Variants in PCDHA13 observed in about 807,000 individuals in gnomAD.
The protein encoded by PCDHA13 is protocadherin alpha 13, also known as protocadherin alpha-13.
In PCDHA13, 54 loss-of-function variants were observed where a neutral mutation model predicts 64.8. That is an observed-to-expected ratio of 0.83 (90% confidence interval 0.67 to 1.04). The LOEUF is 1.04. Ranked by LOEUF, PCDHA13 falls within the 50% of genes least tolerant of loss-of-function variation. PCDHA13 has a pLI of 0.00. For synonymous variants in PCDHA13, 587 were observed against 564.4 expected (o/e 1.04, Z -0.57); for missense variants, 1,248 against 1,254.3 (o/e 0.99, Z 0.08).
intron 3 of PCDHA13, among the ~76,000 whole-genome samples, chr5:140,985,189 G>A (rs1440212716): frequency 3.3e-5 from 5 of 152,004 alleles, no homozygotes; most frequent in African/African-American, 9.7e-5. Context: ...CGCCTGCCTC[G>A]GTCTCCCAAA....
intron 1 of PCDHA13, among the ~76,000 whole-genome samples, chr5:140,959,991 G>A (rs2095520706): frequency 6.6e-6 from 1 of 152,168 alleles, no homozygotes; most frequent in South Asian, 2.1e-4. Flanking sequence ...GTTGGGATAT[G>A]AAATACAAAT....
At chr5:140,891,052 A>T (rs1554184638) in intron 1 of PCDHA13, among the ~76,000 whole-genome samples, 1 of 152,200 alleles carries the variant, frequency 6.6e-6, no homozygotes, top group Non-Finnish European at 1.5e-5. Flanking sequence ...CCCACAGCAC[A>T]TAGTAAATAT....
chr5:141,006,937 A>G (rs1341234151), intron 3 of PCDHA13, among the ~76,000 whole-genome samples: 1 of 152,206 alleles, frequency 6.6e-6, no homozygotes, highest in Non-Finnish European at 1.5e-5. Context: ...AACTGGGGAT[A>G]CCAGATAGGC....
rs200338376 is a variant in PCDHA13, at chr5:140,927,680, G to C, written c.2394+43018G>C. On this transcript the variant is annotated intron_variant, in intron 1 of 3. Transcript: ENST00000289272. ...GTTCAAGCCTTGGATCCAGATGAAGGGTCCAATGGGGAAGTCCAGTACTCC... is the reference window on the plus strand; with the variant it reads ...GTTCAAGCCTTGGATCCAGATGAAGCGTCCAATGGGGAAGTCCAGTACTCC... The C allele has an allele frequency of 2.2e-5, 36 of 1,614,022 alleles. No individual in the cohort carries two copies. The Admixed American group carries it at 4.5e-4, about 20-fold the overall frequency.
intron 1 of PCDHA13, among the ~76,000 whole-genome samples, chr5:140,916,064 T>G (rs1282899200): frequency 1.3e-5 from 2 of 152,156 alleles, no homozygotes; most frequent in African/African-American, 4.8e-5. Flanking sequence ...CCTCTCCCTG[T>G]GGCCAGTACT....
At chr5:140,927,502 A>G (rs1554204633) in intron 1 of PCDHA13, 1 of 1,614,134 alleles carries the variant, frequency 6.2e-7, no homozygotes, top group Non-Finnish European at 8.5e-7. Context: ...GCTGGTGCTT[A>G]CAGCTCGGGA....
intron 1 of PCDHA13, among the ~76,000 whole-genome samples, chr5:140,920,841 T>TAAA (rs781921146): frequency 2.7e-5 from 3 of 109,230 alleles, no homozygotes; most frequent in East Asian, 2.6e-4. Context: ...AGACCAAATC[T>TAAA]AAAAAAAAAA....
chr5:140,894,790 T>G lies in PCDHA13; in HGVS notation c.2394+10128T>G, dbSNP rs943284227. On this transcript the variant is annotated intron_variant, in intron 1 of 3. Coordinates refer to ENST00000289272, the MANE Select transcript of PCDHA13 (RefSeq NM_018904.3). ...TCCTTTAGTGTAATTATTTGTCCTC[T>G]CCTTTAAAAATAATTTTATATCAGA... Among the ~76,000 whole-genome samples, 13 of 152,282 alleles carry G rather than the reference T, an allele frequency of 8.5e-5. No individual in the cohort carries two copies. The South Asian group carries it at 2.5e-3, about 29-fold the overall frequency.
At chr5:141,009,488 C>T (rs2098409682) in intron 3 of PCDHA13, 139 bp from the exon 4 acceptor site, 4 of 1,469,622 alleles carry the variant, frequency 2.7e-6, no homozygotes, top group Non-Finnish European at 3.6e-6. Context: ...CTTGCCTTGC[C>T]CTCAGACTTG....
chr5:140,925,836 C>G (rs2082758211), intron 1 of PCDHA13, among the ~76,000 whole-genome samples: 1 of 152,104 alleles, frequency 6.6e-6, no homozygotes, highest in African/African-American at 2.4e-5. Context: ...GACGGGTCGT[C>G]AAGTCTTTGA....
chr5:141,006,350 T>G (rs1254086807), intron 3 of PCDHA13, among the ~76,000 whole-genome samples: 2 of 152,086 alleles, frequency 1.3e-5, no homozygotes, highest in Non-Finnish European at 2.9e-5. Flanking sequence ...TAGCTGGGAC[T>G]ATAGGCGCCC....
intron 1 of PCDHA13, chr5:140,928,199 C>T: frequency 6.2e-7 from 1 of 1,614,226 alleles, no homozygotes; most frequent in South Asian, 1.1e-5. Context: ...GTGTCAGTTG[C>T]TGATGTGAAT....
In PCDHA13 at chr5:140,882,932, C is replaced by G. The variant is rs946510478; in HGVS notation, c.664C>G (p.Leu222Val). ...AGCCAGTGATGGAGGTAAACCCGAG[C>G]TGACTGGCACAGTTCAGCTGCTCAT... The part of the protein sequence containing the change: ...LTASDGGKPE[L>V]TGTVQLLITI... Residue 222 changes from leucine to valine, a missense_variant, in exon 1 of 4, where the codon CTG becomes GTG. Leu to Val is a conservative substitution (Grantham distance 32). Coordinates refer to ENST00000289272, the MANE Select transcript of PCDHA13 (RefSeq NM_018904.3). 6.2e-7 allele frequency: 1 copy of G among 1,614,196 alleles called. No individual in the cohort carries two copies. Among genetic ancestry groups the G allele is most frequent in the Admixed American group, 1.7e-5 (1 of 60,018 alleles).
chr5:140,903,334 G>A (rs1451948444), intron 1 of PCDHA13, among the ~76,000 whole-genome samples: 2 of 152,132 alleles, frequency 1.3e-5, no homozygotes, highest in Non-Finnish European at 2.9e-5. Context: ...TTGAGGAAAG[G>A]ATGCATTTTA....
rs797023184 is a variant in PCDHA13 at position 140,941,202 on chromosome 5, CCTTT to C, written c.2395-37739_2395-37736del. The stretch of plus-strand genomic sequence containing the variant: ...TCCTGCTTCTTTTTTTTTCTTTCTT[CCTTT>C]CTTTCTTCCTTTCTTTCTTTCTTTC... On this transcript the variant is annotated intron_variant, in intron 1 of 3. Transcript: ENST00000289272. Among the ~76,000 whole-genome samples, 914 of 122,710 alleles carry C rather than the reference CCTTT, an allele frequency of 7.4e-3. 14 individuals are homozygous for C. The highest frequency in any genetic ancestry group is 0.013 in the African/African-American group (444 of 33,832). The allele number at this position is 122,710 out of a possible 152,430, so 80.5% of individuals were successfully genotyped here. A position where few individuals can be genotyped will look rare whatever the true frequency, so the allele number is the denominator to read the frequency against.
Position 141,010,327 on chromosome 5 carries a change from G to T in PCDHA13, c.*390G>T, listed in dbSNP as rs2098416942. 5 of 1,539,742 alleles carry T rather than the reference G, an allele frequency of 3.2e-6. No individual in the cohort carries two copies. The highest frequency in any genetic ancestry group is 2.4e-5 in the South Asian group (2 of 82,532). On this transcript the variant is annotated 3_prime_UTR_variant, in exon 4 of 4. Transcript: ENST00000289272. ...AAAGTTTTGAGATTGAGCAGCTTGGGAGTTTGTGGCCACTGGGTATGTGTG... is the reference window on the plus strand; with the variant it reads ...AAAGTTTTGAGATTGAGCAGCTTGGTAGTTTGTGGCCACTGGGTATGTGTG...
intron 1 of PCDHA13, among the ~76,000 whole-genome samples, chr5:140,978,377 G>GT (rs1554239246): frequency 6.6e-6 from 1 of 152,212 alleles, no homozygotes; most frequent in Non-Finnish European, 1.5e-5. Context: ...GCAATAGTTT[G>GT]TTTTCCTCTC....
chr5:140,990,871 G>GT, intron 3 of PCDHA13, among the ~76,000 whole-genome samples: 1 of 152,284 alleles, frequency 6.6e-6, no homozygotes, highest in East Asian at 1.9e-4. Context: ...TATTTTAAGT[G>GT]TATGTTCCAG....
chr5:140,966,951 C>G lies in PCDHA13; in HGVS notation c.2395-11998C>G, dbSNP rs781885198. 3.1e-5 allele frequency: 50 copies of G among 1,603,624 alleles called. No individual in the cohort carries two copies. The highest frequency in any genetic ancestry group is 4.2e-5 in the Non-Finnish European group (50 of 1,178,520). The stretch of plus-strand genomic sequence containing the variant: ...CCCGGCGCGCTCGTGGGCAACGTGG[C>G]TCGCGCGCTGGGGCTTGAGCTGCGG... On this transcript the variant is annotated intron_variant, in intron 1 of 3. Coordinates refer to ENST00000289272, the MANE Select transcript of PCDHA13 (RefSeq NM_018904.3).
Sources: allele counts gnomAD v4.1 joint callset (sites outside exome capture counted in the v4.1 genomes callset), GRCh38; gene constraint gnomAD v4.1.1; transcripts MANE v1.5; gene names NCBI Gene and HGNC (gene_info 2026-07-23, HGNC 2026-07-21).